HLCS: variants seen among roughly 807,000 people sequenced by gnomAD.
HLCS encodes biotin--protein ligase.
Under a neutral mutation model 75.0 loss-of-function variants are expected in HLCS, and 53 were observed. The ratio of observed to expected loss-of-function variants is 0.71; its 90% CI spans 0.57 to 0.89. The LOEUF is 0.89. Ranked by LOEUF, HLCS falls within the 40% of genes least tolerant of loss-of-function variation. HLCS has a pLI of 0.00. For synonymous variants in HLCS, 431 were observed against 428.6 expected (o/e 1.01, Z -0.07); for missense variants, 966 against 1,074.0 (o/e 0.90, Z 1.41).
intron 6 of HLCS, among the ~76,000 whole-genome samples, chr21:36,788,097 G>A (rs2060746941): frequency 6.6e-6 from 1 of 152,188 alleles, no homozygotes; most frequent in Non-Finnish European, 1.5e-5. Context: ...CCCCACAAAA[G>A]ATTAAAACCA....
intron 2 of HLCS, among the ~76,000 whole-genome samples, chr21:36,945,696 T>C (rs1003027943): frequency 6.6e-5 from 10 of 152,240 alleles, no homozygotes; most frequent in African/African-American, 2.2e-4. Flanking sequence ...GTGTGTGGTT[T>C]CTTTCTGGTG....
intron 4 of HLCS, among the ~76,000 whole-genome samples, chr21:36,932,987 G>A (rs866441554): frequency 9.9e-5 from 15 of 152,236 alleles, no homozygotes; most frequent in Middle Eastern, 3.4e-3. Context: ...GCATGGTGGC[G>A]CACGCCTGTA....
intron 5 of HLCS, among the ~76,000 whole-genome samples, chr21:36,899,572 C>T (rs546056211): frequency 5.9e-5 from 9 of 152,050 alleles, no homozygotes; most frequent in Middle Eastern, 3.2e-3. Flanking sequence ...TGCAGTGAGC[C>T]GAGATCACGC....
chr21:36,872,787 G>A (rs2063816916), intron 6 of HLCS, among the ~76,000 whole-genome samples: 1 of 152,156 alleles, frequency 6.6e-6, no homozygotes, highest in South Asian at 2.1e-4. Context: ...AAGCTTCTAT[G>A]AATACGACCT....
At chr21:36,827,936 C>A (rs568236576) in intron 6 of HLCS, among the ~76,000 whole-genome samples, 9 of 151,788 alleles carry the variant, frequency 5.9e-5, no homozygotes, top group Admixed American at 5.2e-4. Context: ...GCCTCAGCCT[C>A]CCAAGTAGCT....
chr21:36,973,031 C>T (rs2068832157), intron 1 of HLCS, among the ~76,000 whole-genome samples: 1 of 150,824 alleles, frequency 6.6e-6, no homozygotes, highest in African/African-American at 2.4e-5. Context: ...GCGTGGGCAA[C>T]ACAGGGAAAC....
chr21:36,762,128 C>A (rs1226261484), intron 8 of HLCS, among the ~76,000 whole-genome samples: 2 of 152,202 alleles, frequency 1.3e-5, no homozygotes, highest in African/African-American at 4.8e-5. Context: ...CAAAATGAAA[C>A]AAATCCTGCT....
At chr21:36,761,133 C>A (rs570222575) in intron 8 of HLCS, among the ~76,000 whole-genome samples, 10 of 152,330 alleles carry the variant, frequency 6.6e-5, no homozygotes, top group African/African-American at 2.2e-4. Context: ...TCACACCCAG[C>A]CTATGTGTTG....
intron 5 of HLCS, among the ~76,000 whole-genome samples, chr21:36,917,912 G>A (rs1461199971): frequency 6.7e-6 from 1 of 148,356 alleles, no homozygotes; most frequent in African/African-American, 2.5e-5. Flanking sequence ...TTTGGACCAC[G>A]TAAATCACCA....
chr21:36,884,804 G>GT (rs375399618), intron 6 of HLCS, among the ~76,000 whole-genome samples: 254 of 152,058 alleles, frequency 1.7e-3, no homozygotes, highest in African/African-American at 5.6e-3. Context: ...AACATCTGGG[G>GT]TTTTTTTTAG....
At chr21:36,754,499 G>A (rs2089483182) in intron 10 of HLCS, 82 bp from the exon 11 acceptor site, 1 of 1,446,168 alleles carries the variant, frequency 6.9e-7, no homozygotes, top group East Asian at 2.4e-5. Flanking sequence ...AATCCATGAT[G>A]AGAGAGCTGG....
chr21:36,842,124 C>T lies in HLCS; in HGVS notation c.1892+54736G>A, dbSNP rs1353080304. ...ATAAACAAATTGTGGGATACTCACCCAAAGAAGTATTTTATGGCAATGAGA... is the reference window on the plus strand; with the variant it reads ...ATAAACAAATTGTGGGATACTCACCTAAAGAAGTATTTTATGGCAATGAGA... On this transcript the variant is annotated intron_variant, in intron 6 of 10. Transcript: ENST00000674895. This position sits in a 1 kb window ranked among gnomAD's most constrained non-coding sequence, Gnocchi z 4.2. 5.9e-5 allele frequency among the ~76,000 whole-genome samples: 9 copies of T among 152,108 alleles called. No homozygotes were observed. The highest frequency in any genetic ancestry group is 1.2e-4 in the Non-Finnish European group (8 of 68,022).
At chr21:36,835,442 G>C (rs1048959651) in intron 6 of HLCS, among the ~76,000 whole-genome samples, 1 of 152,156 alleles carries the variant, frequency 6.6e-6, no homozygotes, top group Non-Finnish European at 1.5e-5. Flanking sequence ...TGTCAAAGCT[G>C]GACTATGAAG....
chr21:36,837,491 G>C (rs1350222744), intron 6 of HLCS, among the ~76,000 whole-genome samples: 1 of 152,108 alleles, frequency 6.6e-6, no homozygotes, highest in Non-Finnish European at 1.5e-5. Context: ...CAAACAGAAT[G>C]AAAGTGTCTG....
At position 36,952,742 on chromosome 21, in the gene HLCS, G is replaced by A. The variant is rs552936928; in HGVS notation, c.330+9294C>T. Among the ~76,000 whole-genome samples the A allele has an allele frequency of 1.2e-4, 16 of 139,016 alleles. No homozygotes were observed. The East Asian group carries it at 3.2e-3, about 28-fold the overall frequency. 91.2% of individuals were successfully genotyped at this position (139,016 alleles called of 152,430 possible). A position where few individuals can be genotyped will look rare whatever the true frequency, so the allele number is the denominator to read the frequency against. ...GAAGTCGGAGGTTGCAGTGAGCTGA[G>A]ATCGTGCCACTGCACTCCAGCCTGG... is the stretch of plus-strand genomic sequence containing the variant. On this transcript the variant is annotated intron_variant, in intron 2 of 10. Transcript: ENST00000674895.
At chr21:36,763,101 C>T (rs548137138) in intron 8 of HLCS, among the ~76,000 whole-genome samples, 4 of 152,256 alleles carry the variant, frequency 2.6e-5, no homozygotes, top group South Asian at 4.2e-4. Flanking sequence ...CTCGGCTCAC[C>T]GCAACCTCTG....
chr21:36,889,477 G>C (rs2064682197), intron 6 of HLCS, among the ~76,000 whole-genome samples: 1 of 152,188 alleles, frequency 6.6e-6, no homozygotes, highest in African/African-American at 2.4e-5. Flanking sequence ...TCACAGTCTA[G>C]CCTCATGCTG....
chr21:36,820,007 A>C (rs1266272240), intron 6 of HLCS, among the ~76,000 whole-genome samples: 1 of 152,188 alleles, frequency 6.6e-6, no homozygotes, highest in East Asian at 1.9e-4. Flanking sequence ...GGGCAGCAAA[A>C]ATAAACCAGA....
Position 36,962,171 on chromosome 21 carries a change from C to T in HLCS, c.196-1G>A. On this transcript the variant is annotated splice_acceptor_variant, in intron 1 of 10. Transcript: ENST00000674895. LOFTEE classifies it high-confidence loss of function. ...CCCACTTGTTCAAGTCTTCAATGGA[C>T]TGTATAGAGGGAAAGAAATATAATG... The T allele has an allele frequency of 7.8e-7, 1 of 1,288,500 alleles. No individual in the cohort carries two copies. Among genetic ancestry groups the T allele is most frequent in the Non-Finnish European group, 1.0e-6 (1 of 987,796 alleles). 79.8% of individuals were successfully genotyped at this position (1,288,500 alleles called of 1,614,324 possible). A position where few individuals can be genotyped will look rare whatever the true frequency, so the allele number is the denominator to read the frequency against.
Sources: allele counts gnomAD v4.1 joint callset (sites outside exome capture counted in the v4.1 genomes callset), GRCh38; gene constraint gnomAD v4.1.1; non-coding constraint Gnocchi (gnomAD v3.1); transcripts MANE v1.5; gene names NCBI Gene and HGNC (gene_info 2026-07-23, HGNC 2026-07-21).